LAMA3: variants seen among roughly 807,000 people sequenced by gnomAD.
LAMA3 encodes laminin subunit alpha 3.
In LAMA3, 281 loss-of-function variants were observed where a neutral mutation model predicts 402.0. That is an observed-to-expected ratio of 0.70 (90% confidence interval 0.63 to 0.77). The LOEUF is 0.77. Ranked by LOEUF, LAMA3 falls within the 30% of genes least tolerant of loss-of-function variation. The pLI, the probability that LAMA3 is intolerant of heterozygous loss-of-function variation, is 0.00. For missense variants in LAMA3, 3,840 were observed against 4,215.5 expected (o/e 0.91, Z 2.47); for synonymous variants, 1,431 against 1,558.4 (o/e 0.92, Z 1.93).
chr18:23,890,229 C>A, intron 42 of LAMA3, 112 bp downstream of exon 42: 1 of 761,288 alleles, frequency 1.3e-6, no homozygotes, highest in South Asian at 1.4e-5. Context: ...TTCCAGCCAG[C>A]AAGCTGTCCC....
chr18:23,747,584 T>TG (rs35082674), intron 2 of LAMA3, among the ~76,000 whole-genome samples: 1 of 152,148 alleles, frequency 6.6e-6, no homozygotes, highest in South Asian at 2.1e-4. Context: ...TTCTTGGCCC[T>TG]GGGAGGGTTT....
At chr18:23,764,107 C>G (rs2062028981) in intron 8 of LAMA3, among the ~76,000 whole-genome samples, 1 of 152,054 alleles carries the variant, frequency 6.6e-6, no homozygotes, top group Non-Finnish European at 1.5e-5. Context: ...TCTACATTGT[C>G]ATTCTTTCTT....
intron 42 of LAMA3, among the ~76,000 whole-genome samples, chr18:23,892,422 TC>T (rs1164534701): frequency 6.6e-6 from 1 of 151,980 alleles, no homozygotes; most frequent in Non-Finnish European, 1.5e-5. Context: ...AGGGACACAT[TC>T]CTTGGTGGTC....
In LAMA3 at chr18:23,871,505, A is replaced by C. The variant is rs369766955; in HGVS notation, c.4842A>C (p.Ala1614=). 6.8e-6 allele frequency: 11 copies of C among 1,614,050 alleles called. No individual in the cohort carries two copies. In the African/African-American group the frequency reaches 1.2e-4, roughly 18 times the overall value. ...TGATGACAGTGCTGTCTAGACTGGC[A>C]GATGTGCGCATCCAAGGCCTCTACT... is the stretch of plus-strand genomic sequence containing the variant. ...EELMTVLSRL[A]DVRIQGLYFT... Residue 1614 remains alanine, a synonymous_variant, in exon 38 of 75, where the codon GCA becomes GCC. Coordinates refer to ENST00000313654, the MANE Select transcript of LAMA3 (RefSeq NM_198129.4).
Position 23,858,711 on chromosome 18 carries a change from G to A in LAMA3, c.4304G>A (p.Cys1435Tyr). The A allele has an allele frequency of 1.9e-6, 3 of 1,614,184 alleles. No homozygotes were observed. The highest frequency in any genetic ancestry group is 1.6e-4 in the Middle Eastern group (1 of 6,062). ...TAGGAAAATGTAGAAGGCACAGAGTGTAATGTGTGTCGAGAAGGCTCATTC... is the reference window on the plus strand; with the variant it reads ...TAGGAAAATGTAGAAGGCACAGAGTATAATGTGTGTCGAGAAGGCTCATTC... ...LCKENVEGTE[C>Y]NVCREGSFHL... The change falls in exon 34 of 75, where the codon TGT becomes TAT. Residue 1435 changes from cysteine (C) to tyrosine (Y), a missense_variant. Around this residue, in one of 3 missense-constraint regions of LAMA3, gnomAD observed 2,109 missense variants for 2,376.0 expected, o/e 0.89. Transcript: ENST00000313654.
chr18:23,727,879 G>A (rs1256267798), intron 2 of LAMA3, among the ~76,000 whole-genome samples: 1 of 152,120 alleles, frequency 6.6e-6, no homozygotes, highest in Non-Finnish European at 1.5e-5. Flanking sequence ...ACAGGCACGT[G>A]CCACCACACC....
At chr18:23,832,250 G>A (rs2144508629) in intron 23 of LAMA3, among the ~76,000 whole-genome samples, 1 of 152,304 alleles carries the variant, frequency 6.6e-6, no homozygotes, top group African/African-American at 2.4e-5. Flanking sequence ...GAGATGCCCA[G>A]GGGAGAAATG....
chr18:23,903,882 C>T, intron 49 of LAMA3, 51 bp from the exon 50 acceptor site: 2 of 1,458,178 alleles, frequency 1.4e-6, no homozygotes, highest in Non-Finnish European at 1.9e-6. Flanking sequence ...AAATCAGCAC[C>T]TACATTCTTT....
chr18:23,946,231 A>T lies in LAMA3; in HGVS notation c.9298A>T (p.Ile3100Phe). 6.2e-7 allele frequency: 1 copy of T among 1,614,196 alleles called. No individual in the cohort carries two copies. The highest frequency in any genetic ancestry group is 8.5e-7 in the Non-Finnish European group (1 of 1,180,040). Residue 3100 changes from isoleucine to phenylalanine, a missense_variant, in exon 70 of 75, where the codon ATC becomes TTC. By Grantham distance (21) the Ile-to-Phe change is conservative. Coordinates refer to ENST00000313654, the MANE Select transcript of LAMA3 (RefSeq NM_198129.4). The stretch of plus-strand genomic sequence containing the variant: ...GGGAAGTTTGCCTGGAAACTCCACC[A>T]TCAGCATCAGAGCGCCAGTTTACCT... ...REGSLPGNST[I>F]SIRAPVYLGS...
At chr18:23,855,676 A>T (rs914641116) in intron 32 of LAMA3, among the ~76,000 whole-genome samples, 5 of 152,204 alleles carry the variant, frequency 3.3e-5, no homozygotes, top group African/African-American at 1.2e-4. Context: ...AATATGGCCC[A>T]TAGTTTACCC....
chr18:23,859,801 T>C (rs925624315), intron 34 of LAMA3, among the ~76,000 whole-genome samples: 2 of 152,186 alleles, frequency 1.3e-5, no homozygotes, highest in Non-Finnish European at 2.9e-5. Context: ...CATTAGCTAT[T>C]GATAATTAAC....
intron 18 of LAMA3, 87 bp from the exon 19 acceptor site, chr18:23,819,754 C>T: frequency 8.5e-7 from 1 of 1,175,658 alleles, no homozygotes; most frequent in Non-Finnish European, 1.3e-6. Context: ...TGGTGGAGTT[C>T]TTTCATAGTA....
intron 56 of LAMA3, among the ~76,000 whole-genome samples, 159 bp from the exon 57 acceptor site, chr18:23,914,251 T>G (rs2081531912): frequency 6.6e-6 from 1 of 152,216 alleles, no homozygotes; most frequent in Non-Finnish European, 1.5e-5. Flanking sequence ...AATTCTGCAT[T>G]CTATATTATT....
intron 32 of LAMA3, among the ~76,000 whole-genome samples, chr18:23,855,012 T>A (rs891067581): frequency 1.3e-5 from 2 of 151,268 alleles, no homozygotes; most frequent in Admixed American, 6.6e-5. Context: ...AATAAAAAAA[T>A]TTAAAAAAAT....
intron 11 of LAMA3, among the ~76,000 whole-genome samples, chr18:23,780,011 C>T (rs550636389): frequency 2.8e-4 from 43 of 152,252 alleles, no homozygotes; most frequent in African/African-American, 9.6e-4. Flanking sequence ...GAGACCTGCC[C>T]GCTAAGACTC....
At chr18:23,952,812 C>T (rs376263225) in intron 73 of LAMA3, among the ~76,000 whole-genome samples, 178 bp from the exon 74 acceptor site, 11 of 152,306 alleles carry the variant, frequency 7.2e-5, no homozygotes, top group East Asian at 1.9e-4. Flanking sequence ...CATTCATGTA[C>T]GTGGAAGCAC....
At chr18:23,927,533 C>T (rs1445524045) in intron 62 of LAMA3, among the ~76,000 whole-genome samples, 1 of 152,146 alleles carries the variant, frequency 6.6e-6, no homozygotes, top group Non-Finnish European at 1.5e-5. Flanking sequence ...GATACAGCAG[C>T]ATATGAACCC....
At position 23,933,920 on chromosome 18, in the gene LAMA3, T is replaced by C; in HGVS notation, c.8847T>C (p.Thr2949=). The C allele has an allele frequency of 6.2e-7, 1 of 1,614,132 alleles. No individual in the cohort carries two copies. The highest frequency in any genetic ancestry group is 1.1e-5 in the South Asian group (1 of 91,086). ...CTACCAGGTTTAACAAGACCAAGAC[T>C]TTTCGTATCAACCAGGTAAGTGTCC... is the stretch of plus-strand genomic sequence containing the variant. ...KGSTRFNKTK[T]FRINQLLQDT... Residue 2949 remains threonine (T), a synonymous_variant, in exon 67 of 75, where the codon ACT becomes ACC. Transcript: ENST00000313654.
Position 23,847,343 on chromosome 18 carries a change from A to C in LAMA3, c.3932-121A>C, listed in dbSNP as rs17259479. The C allele has an allele frequency of 0.034, 35,836 of 1,052,858 alleles. 2,046 individuals carry two copies. The highest frequency in any genetic ancestry group is 0.22 in the Admixed American group (11,516 of 52,246). 65.2% of individuals were successfully genotyped at this position (1,052,858 alleles called of 1,614,324 possible). ...CTTGACTCCAAGAAATGGGCCTTTC[A>C]GATCCAAATATTTCTCTCTGACCCT... On this transcript the variant is annotated intron_variant, in intron 31 of 74. Transcript: ENST00000313654.
Sources: allele counts gnomAD v4.1 joint callset (sites outside exome capture counted in the v4.1 genomes callset), GRCh38; gene constraint gnomAD v4.1.1; regional missense constraint gnomAD v4.1.1; transcripts MANE v1.5; gene names NCBI Gene and HGNC (gene_info 2026-07-23, HGNC 2026-07-21).